TMEM135: variants seen among roughly 807,000 people sequenced by gnomAD.
The protein encoded by TMEM135 is peroxisomal membrane protein 52.
TMEM135 carries 30 observed loss-of-function variants against 60.3 expected under a neutral mutation model. That is an observed-to-expected ratio of 0.50 (90% CI 0.37 to 0.68). TMEM135 has a LOEUF of 0.68. TMEM135 is among the 30% of genes least tolerant of loss of function. The probability of loss-of-function intolerance (pLI) is 0.00; values close to 1 mark genes in which losing one functional copy is unlikely to be tolerated. For synonymous variants in TMEM135, 190 were observed against 186.7 expected, an observed-to-expected ratio of 1.02 and a Z score of -0.14; for missense variants, 468 against 548.8, an observed-to-expected ratio of 0.85 and a Z score of 1.47.
At chr11:87,180,298 A>G (rs1939483701) in intron 5 of TMEM135, among the ~76,000 whole-genome samples, 1 of 152,240 alleles carries the variant, frequency 6.6e-6, no homozygotes, top group East Asian at 1.9e-4. Context: ...AACGGGAAAA[A>G]CGGGCCCCTG....
chr11:87,079,039 T>C (rs3133318), intron 3 of TMEM135, among the ~76,000 whole-genome samples: 104,010 of 151,984 alleles, frequency 0.68, 37,139 homozygotes, highest in East Asian at 0.88. Flanking sequence ...AGTCTTGCTC[T>C]GTCTCACACT....
intron 6 of TMEM135, among the ~76,000 whole-genome samples, chr11:87,276,471 A>G (rs1941967417): frequency 6.6e-6 from 1 of 151,684 alleles, no homozygotes; most frequent in African/African-American, 2.4e-5. Flanking sequence ...CTTTTAGCCA[A>G]TTTTGTTACT....
chr11:87,225,481 A>G (rs1380034966), intron 5 of TMEM135, among the ~76,000 whole-genome samples: 2 of 152,058 alleles, frequency 1.3e-5, no homozygotes, highest in African/African-American at 2.4e-5. Context: ...CTTTTTTACA[A>G]GGACAGACAC....
Position 87,240,891 on chromosome 11 carries a change from A to ATGGTTGCAAC in TMEM135, c.509+4208_509+4209insGGTTGCAACT, listed in dbSNP as rs60929059. 1.1e-3 allele frequency among the ~76,000 whole-genome samples: 165 copies of ATGGTTGCAAC among 151,650 alleles called. 4 individuals carry two copies. The East Asian group carries it at 0.028, about 26-fold the overall frequency. On this transcript the variant is annotated intron_variant, in intron 6 of 14. Coordinates refer to ENST00000305494, the MANE Select transcript of TMEM135 (RefSeq NM_022918.4). ...AAGTTTATTTTAACATATAGATTGAATTGTCATAGCAGTTAATCTATAGAC... is the reference window on the plus strand; with the variant it reads ...AAGTTTATTTTAACATATAGATTGAATGGTTGCAACTTGTCATAGCAGTTAATCTATAGAC...
At chr11:87,085,486 G>A (rs185316597) in intron 3 of TMEM135, among the ~76,000 whole-genome samples, 1 of 152,338 alleles carries the variant, frequency 6.6e-6, no homozygotes, top group African/African-American at 2.4e-5. Context: ...GCCAGGTGCG[G>A]TGGCTCATGC....
chr11:87,157,344 A>G lies in TMEM135; in HGVS notation c.400A>G (p.Thr134Ala), dbSNP rs1283212128. 5.6e-6 allele frequency: 9 copies of G among 1,612,514 alleles called. No individual in the cohort carries two copies. The highest frequency in any genetic ancestry group is 5.0e-5 in the Admixed American group (3 of 59,910). Reference protein sequence around the residue: ...LLTIYMANLATETLFRMGVAR... With the variant: ...LLTIYMANLAAETLFRMGVAR... ...GTTTTTTTTTTTTAATTTACAGGCC[A>G]CAGAAACACTATTCAGAATGGGTGT... The change falls in exon 5 of 15, where the codon ACA becomes GCA. Residue 134 changes from threonine to alanine, a missense_variant. Physicochemically the swap from Thr to Ala is moderately conservative, Grantham distance 58. Transcript: ENST00000305494.
chr11:87,307,178 C>T (rs1942563030), intron 9 of TMEM135, among the ~76,000 whole-genome samples: 2 of 152,142 alleles, frequency 1.3e-5, no homozygotes, highest in Admixed American at 6.5e-5. Flanking sequence ...AAAGGAGGAA[C>T]TGTCCCACAT....
At chr11:87,126,874 T>C (rs963314144) in intron 4 of TMEM135, among the ~76,000 whole-genome samples, 2 of 152,130 alleles carry the variant, frequency 1.3e-5, no homozygotes, top group Non-Finnish European at 2.9e-5. Flanking sequence ...ATGATGGAAT[T>C]AAAAGTCAAA....
chr11:87,241,430 A>G (rs530882), intron 6 of TMEM135, among the ~76,000 whole-genome samples: 20,258 of 152,080 alleles, frequency 0.13, 1,672 homozygotes, highest in African/African-American at 0.24. Flanking sequence ...TGATACAGGC[A>G]TACAGTGCAT....
At chr11:87,245,678 G>A (rs1299801001) in intron 6 of TMEM135, among the ~76,000 whole-genome samples, 1 of 132,442 alleles carries the variant, frequency 7.6e-6, no homozygotes, top group African/African-American at 2.9e-5. Flanking sequence ...TGCAACCCCT[G>A]CCTTTTTTTG....
rs149204734 is a variant in TMEM135 at position 87,120,559 on chromosome 11, C to A, written c.396+29164C>A. Among the ~76,000 whole-genome samples, 680 of 146,660 alleles carry A rather than the reference C, an allele frequency of 4.6e-3. 17 individuals carry two copies. Among genetic ancestry groups the A allele is most frequent in the Non-Finnish European group, 9.4e-4 (63 of 67,040 alleles). On this transcript the variant is annotated intron_variant, in intron 4 of 14. Coordinates refer to ENST00000305494, the MANE Select transcript of TMEM135 (RefSeq NM_022918.4). The stretch of plus-strand genomic sequence containing the variant: ...TGATCTCGGCTCACTGCAACCTCCA[C>A]CTCCCTGGTTCAAGCGATTCTCCTG...
chr11:87,176,356 C>G (rs1287141145), intron 5 of TMEM135, among the ~76,000 whole-genome samples: 7 of 152,096 alleles, frequency 4.6e-5, no homozygotes, highest in African/African-American at 1.2e-4. Context: ...GAGGCCCTTA[C>G]CATATGCATA....
chr11:87,074,464 T>C (rs184042576), intron 3 of TMEM135, among the ~76,000 whole-genome samples: 6 of 152,334 alleles, frequency 3.9e-5, no homozygotes, highest in African/African-American at 1.2e-4. Flanking sequence ...ATTTTTGAAA[T>C]ATGTCAGTTA....
intron 6 of TMEM135, among the ~76,000 whole-genome samples, chr11:87,270,177 C>T (rs930261001): frequency 2.0e-5 from 3 of 149,884 alleles, no homozygotes; most frequent in Admixed American, 1.3e-4. Context: ...CCTTTGCCCA[C>T]TTTTTGATGG....
chr11:87,134,979 CTAA>C (rs1216354171), intron 4 of TMEM135, among the ~76,000 whole-genome samples: 2 of 152,076 alleles, frequency 1.3e-5, no homozygotes, highest in Admixed American at 6.6e-5. Flanking sequence ...TCCCTGATGA[CTAA>C]TGATGATAAA....
At chr11:87,137,701 G>C (rs1003353999) in intron 4 of TMEM135, among the ~76,000 whole-genome samples, 1 of 150,560 alleles carries the variant, frequency 6.6e-6, no homozygotes, top group African/African-American at 2.4e-5. Flanking sequence ...TTGCTTTGAC[G>C]TAAGTGTAAG....
chr11:87,101,830 G>C (rs556817093), intron 4 of TMEM135, among the ~76,000 whole-genome samples: 16 of 152,130 alleles, frequency 1.1e-4, no homozygotes, highest in African/African-American at 3.6e-4. Context: ...AAAATTAACC[G>C]GGTGTGATGG....
intron 6 of TMEM135, among the ~76,000 whole-genome samples, chr11:87,293,240 A>G (rs1250986871): frequency 6.6e-6 from 1 of 152,194 alleles, no homozygotes; most frequent in African/African-American, 2.4e-5. Context: ...TTCCATCTGA[A>G]TTCTTTTGCC....
At chr11:87,158,864 A>C (rs1041033568) in intron 5 of TMEM135, among the ~76,000 whole-genome samples, 22 of 152,208 alleles carry the variant, frequency 1.4e-4, no homozygotes, top group Non-Finnish European at 1.5e-5. Flanking sequence ...TCATTTTGAA[A>C]AAAGAAAACT....
Sources: gnomAD v4.1 joint callset for allele counts (sites outside exome capture counted in the v4.1 genomes callset) on GRCh38, gnomAD v4.1.1 for gene constraint, MANE v1.5 for transcripts, NCBI Gene and HGNC (gene_info 2026-07-23, HGNC 2026-07-21) for gene names.